The following EPG5 variants were observed in gnomAD, a reference collection of about 807,000 sequenced individuals.
EPG5 encodes the protein ectopic P-granules 5 autophagy tethering factor.
EPG5 carries 159 observed loss-of-function variants against 302.7 expected under a neutral mutation model. The observed-to-expected ratio is 0.53, with a 90% confidence interval of 0.46 to 0.60. The LOEUF is 0.60. Ranked by LOEUF, EPG5 falls within the 20% of genes least tolerant of loss-of-function variation. The pLI is 0.00. For synonymous variants in EPG5, 1,158 were observed against 1,136.8 expected (o/e 1.02, Z -0.37); for missense variants, 2,896 against 3,092.4 (o/e 0.94, Z 1.51).
chr18:45,914,524 A>C (rs1363494707), intron 20 of EPG5, among the ~76,000 whole-genome samples: 1 of 152,270 alleles, frequency 6.6e-6, no homozygotes, highest in African/African-American at 2.4e-5. Context: ...TGATGATAAT[A>C]ATAACAATGG....
chr18:45,881,513 T>C (rs2049097549), intron 31 of EPG5, among the ~76,000 whole-genome samples: 2 of 152,222 alleles, frequency 1.3e-5, no homozygotes, highest in Admixed American at 6.5e-5. Flanking sequence ...AAACTATTTC[T>C]ATGATGTAAC....
chr18:45,863,353 C>T (rs1189239683), intron 39 of EPG5, among the ~76,000 whole-genome samples: 2 of 152,058 alleles, frequency 1.3e-5, no homozygotes, highest in African/African-American at 4.8e-5. Flanking sequence ...CCTTTCTTGC[C>T]TTCTTTGGAC....
At chr18:45,825,274 G>A in the EPG5 span, among the ~76,000 whole-genome samples, 1 of 147,414 alleles carries the variant, frequency 6.8e-6, no homozygotes, top group Non-Finnish European at 1.5e-5. Context: ...AAGGGAGGAT[G>A]GGATGGAAGA....
rs117736834 is a variant in EPG5 at position 45,885,063 on chromosome 18, G to A, written c.5110-252C>T. ...CACAGAAAATGCTGAGTTAGTCCGG[G>A]TGCAGTTGCTCACGCTTGTAATCCC... On this transcript the variant is annotated intron_variant, in intron 29 of 43. Transcript: ENST00000282041. 4.7e-3 allele frequency among the ~76,000 whole-genome samples: 713 copies of A among 152,310 alleles called. 14 individuals carry two copies. The East Asian group carries it at 0.064, about 14-fold the overall frequency.
rs906070534 is a variant in EPG5 at position 45,850,417 on chromosome 18, C to T, written c.*2050G>A. 8 of 152,200 alleles carry T rather than the reference C, an allele frequency of 5.3e-5. No homozygotes were observed. The highest frequency in any genetic ancestry group is 4.1e-4 in the South Asian group (2 of 4,832). 9.4% of individuals were successfully genotyped at this position (152,200 alleles called of 1,614,324 possible). A position where few individuals can be genotyped will look rare whatever the true frequency, so the allele number is the denominator to read the frequency against. The stretch of plus-strand genomic sequence containing the variant: ...GAACTAGCTCAGTGTCTTTATAGCA[C>T]GTTCCTAGCCCAGAGTTTCCCATAG... On this transcript the variant is annotated 3_prime_UTR_variant, in exon 44 of 44. Coordinates refer to ENST00000282041, the MANE Select transcript of EPG5 (RefSeq NM_020964.3).
chr18:45,833,785 T>C, the EPG5 span, among the ~76,000 whole-genome samples: 1 of 152,162 alleles, frequency 6.6e-6, no homozygotes. Flanking sequence ...AAGGTATAGA[T>C]ATATAGGACC....
intron 35 of EPG5, among the ~76,000 whole-genome samples, chr18:45,874,592 C>T (rs939190750): frequency 3.3e-5 from 5 of 152,116 alleles, no homozygotes; most frequent in Admixed American, 1.3e-4. Flanking sequence ...ATACGGGAAA[C>T]CCCTTATCAA....
At chr18:45,888,961 A>T (rs549266961) in intron 28 of EPG5, among the ~76,000 whole-genome samples, 4 of 152,328 alleles carry the variant, frequency 2.6e-5, no homozygotes, top group South Asian at 4.1e-4. Flanking sequence ...TGAGATAAAG[A>T]TTTCTGTGTA....
At chr18:45,883,614 GTTTTTTTT>G (rs1174930322) in intron 30 of EPG5, among the ~76,000 whole-genome samples, 1 of 60,718 alleles carries the variant, frequency 1.6e-5, no homozygotes, top group African/African-American at 5.9e-5. Context: ...CTAGCCTGGT[GTTTTTTTT>G]TTTTTTTTTT....
the EPG5 span, among the ~76,000 whole-genome samples, chr18:45,831,434 T>C: frequency 2.6e-5 from 4 of 152,346 alleles, no homozygotes; most frequent in South Asian, 4.1e-4. Context: ...TTCATGTCCC[T>C]GGGCTGGGAA....
chr18:45,877,983 G>C (rs986234412), intron 34 of EPG5, among the ~76,000 whole-genome samples: 1 of 152,122 alleles, frequency 6.6e-6, no homozygotes, highest in Middle Eastern at 3.2e-3. Flanking sequence ...TAGATTTAAA[G>C]GTAATTCCCA....
At chr18:45,951,073 G>C in intron 4 of EPG5, 29 bp downstream of exon 4, 1 of 1,461,994 alleles carries the variant, frequency 6.8e-7, no homozygotes, top group Non-Finnish European at 9.1e-7. Flanking sequence ...ATAAAACAAA[G>C]ACTACTGTGT....
chr18:45,948,966 C>A (rs1205671670), intron 5 of EPG5, among the ~76,000 whole-genome samples: 2 of 152,158 alleles, frequency 1.3e-5, no homozygotes, highest in East Asian at 3.8e-4. Context: ...TTGGCTCCTG[C>A]AAATTCTAAG....
chr18:45,945,333 G>C (rs1216126371), intron 7 of EPG5, among the ~76,000 whole-genome samples: 2 of 152,186 alleles, frequency 1.3e-5, no homozygotes, highest in East Asian at 1.9e-4. Context: ...GGCAAGGTTT[G>C]CAAGTTGCCC....
Position 45,916,199 on chromosome 18 carries a change from A to G in EPG5, c.3392T>C (p.Ile1131Thr), listed in dbSNP as rs960863831. ...KLLNSMIQAHISVSTQPNEVG... is the reference protein window; with the variant it reads ...KLLNSMIQAHTSVSTQPNEVG... ...TTCATTGGGCTGAGTGCTTACAGAT[A>G]TGTGTGCCTGTGGAGAAAAGGCTCA... The change falls in exon 19 of 44, where the codon ATA (isoleucine) becomes ACA (threonine). Residue 1131 changes from isoleucine to threonine, a missense_variant. Ile to Thr is a moderately conservative substitution (Grantham distance 89). Around this residue, in one of 5 missense-constraint regions of EPG5, gnomAD observed 1,390 missense variants for 1,430.0 expected, o/e 0.97. Transcript: ENST00000282041. The G allele has an allele frequency of 6.2e-7, 1 of 1,610,154 alleles. No individual in the cohort carries two copies. Among genetic ancestry groups the G allele is most frequent in the Non-Finnish European group, 8.5e-7 (1 of 1,178,928 alleles).
intron 30 of EPG5, among the ~76,000 whole-genome samples, chr18:45,882,758 G>A (rs775726772): frequency 8.6e-5 from 13 of 151,870 alleles, no homozygotes; most frequent in Non-Finnish European, 1.8e-4. Context: ...CTGTAATCCC[G>A]GCACTTTGGG....
At position 45,858,791 on chromosome 18, in the gene EPG5, A is replaced by G. The variant is rs755160250; in HGVS notation, c.7010-9T>C. Reference sequence around the variant, plus strand: ...ATTCTGATTGAGAGGGCCTAAGAACATGAAGAAGAGACATCAAGATATAGG... The same window carrying G: ...ATTCTGATTGAGAGGGCCTAAGAACGTGAAGAAGAGACATCAAGATATAGG... On this transcript the variant is annotated splice_polypyrimidine_tract_variant and intron_variant, in intron 40 of 43. Transcript: ENST00000282041. 3.8e-6 allele frequency: 6 copies of G among 1,596,474 alleles called. No homozygotes were observed. Among genetic ancestry groups the G allele is most frequent in the Non-Finnish European group, 5.2e-6 (6 of 1,163,920 alleles).
At chr18:45,874,061 C>T (rs1027922788) in intron 35 of EPG5, among the ~76,000 whole-genome samples, 1 of 152,190 alleles carries the variant, frequency 6.6e-6, no homozygotes, top group African/African-American at 2.4e-5. Context: ...TGAAACTGCT[C>T]TGTATGATAC....
At chr18:45,966,660 A>T (rs892488017) in intron 1 of EPG5, among the ~76,000 whole-genome samples, 59 of 152,322 alleles carry the variant, frequency 3.9e-4, no homozygotes, top group African/African-American at 1.3e-3. Context: ...CAAGACAATA[A>T]GAAATAAACA....
Sources: gnomAD v4.1 joint callset for allele counts (sites outside exome capture counted in the v4.1 genomes callset) on GRCh38, gnomAD v4.1.1 for gene constraint, gnomAD v4.1.1 regional missense constraint, MANE v1.5 for transcripts, NCBI Gene and HGNC (gene_info 2026-07-23, HGNC 2026-07-21) for gene names.